C2orf49: variants seen among roughly 807,000 people sequenced by gnomAD.
C2orf49 encodes the protein tRNA-splicing ligase complex subunit ASW.
A neutral mutation model predicts 20.6 loss-of-function variants in C2orf49; 11 were observed. The ratio of observed to expected loss-of-function variants is 0.53; its 90% CI spans 0.34 to 0.88. The LOEUF (loss-of-function observed/expected upper bound fraction) is 0.88, where lower values mean the gene tolerates loss of function less well. Among genes scored for constraint, C2orf49 ranks in the 40% least tolerant of loss-of-function variants. The pLI, the probability that C2orf49 is intolerant of heterozygous loss-of-function variation, is 0.02. For synonymous variants in C2orf49, 134 were observed against 108.5 expected (o/e 1.24, Z -1.46); for missense variants, 289 against 274.2 (o/e 1.05, Z -0.38).
the C2orf49 span, chr2:105,361,349 C>T: frequency 1.2e-6 from 2 of 1,614,148 alleles, no homozygotes; most frequent in East Asian, 4.5e-5. Flanking sequence ...CACGCCCCAC[C>T]AGTGAGAGGG....
chr2:105,374,988 T>A, the C2orf49 span, among the ~76,000 whole-genome samples: 2 of 152,150 alleles, frequency 1.3e-5, no homozygotes, highest in Non-Finnish European at 2.9e-5. Context: ...GCCCACGATG[T>A]CTCTGTTACT....
the C2orf49 span, chr2:105,363,235 T>A: frequency 1.3e-6 from 2 of 1,588,020 alleles, no homozygotes; most frequent in Non-Finnish European, 1.7e-6. Flanking sequence ...ATGCTAGGCC[T>A]TGTTCAAGCT....
In C2orf49 at chr2:105,342,805, G is replaced by A. The variant is rs11895944; in HGVS notation, c.267-43G>A. On this transcript the variant is annotated intron_variant, in intron 2 of 3. Coordinates refer to ENST00000258457, the MANE Select transcript of C2orf49 (RefSeq NM_024093.3). ...TTGAATCCCAGTGAACTGGTTTGCC[G>A]TTCCAGATGGTATTTTTCAAGAGTG... 5.9e-4 allele frequency: 918 copies of A among 1,560,706 alleles called. 8 individuals carry two copies. The African/African-American group carries it at 9.8e-3, about 17-fold the overall frequency.
At position 105,345,382 on chromosome 2, in the gene C2orf49, C is replaced by A; in HGVS notation, c.*11C>A. On this transcript the variant is annotated 3_prime_UTR_variant, in exon 4 of 4. Transcript: ENST00000258457. ...GTTACTTGGCCCTGAAGAAAAGTTT[C>A]CAAAAATGTAAATATACTGTAACTG... The A allele has an allele frequency of 1.2e-6, 2 of 1,605,114 alleles. No homozygotes were observed. Among genetic ancestry groups the A allele is most frequent in the Non-Finnish European group, 1.7e-6 (2 of 1,173,854 alleles).
intron 1 of C2orf49, 73 bp from the exon 2 acceptor site, chr2:105,339,510 A>G (rs924003093): frequency 2.2e-6 from 3 of 1,383,080 alleles, no homozygotes; most frequent in African/African-American, 1.5e-5. Flanking sequence ...ATGTTTTACC[A>G]TGTTAGGTAA....
At chr2:105,356,756 A>T in the C2orf49 span, among the ~76,000 whole-genome samples, 1 of 152,164 alleles carries the variant, frequency 6.6e-6, no homozygotes, top group Non-Finnish European at 1.5e-5. Flanking sequence ...AGTCTTAATT[A>T]TATAGCTATA....
the C2orf49 span, chr2:105,378,028 G>A: frequency 2.1e-6 from 1 of 469,362 alleles, no homozygotes; most frequent in Admixed American, 2.4e-5. Flanking sequence ...AATCTCCAAG[G>A]TCAACAGGAA....
the C2orf49 span, chr2:105,376,542 G>A: frequency 6.6e-6 from 1 of 152,192 alleles, no homozygotes; most frequent in Non-Finnish European, 1.5e-5. Context: ...TTTTATTCAT[G>A]TTATCACTGT....
chr2:105,361,460 G>T, the C2orf49 span: 1 of 1,599,202 alleles, frequency 6.3e-7, no homozygotes, highest in South Asian at 1.1e-5. Flanking sequence ...AAATAATACC[G>T]GATGAAGAAA....
At chr2:105,366,661 A>G in the C2orf49 span, among the ~76,000 whole-genome samples, 1 of 152,238 alleles carries the variant, frequency 6.6e-6, no homozygotes, top group Non-Finnish European at 1.5e-5. Context: ...ATGGCTTCCT[A>G]CAGATATGCA....
rs939255909 is a variant in C2orf49 at position 105,345,925 on chromosome 2, T to C, written c.*554T>C. 2 of 152,344 alleles carry C rather than the reference T, an allele frequency of 1.3e-5. No individual in the cohort carries two copies. Among genetic ancestry groups the C allele is most frequent in the African/African-American group, 4.8e-5 (2 of 41,252 alleles). The allele number at this position is 152,344 out of a possible 1,614,324, so 9.4% of individuals were successfully genotyped here. A position where few individuals can be genotyped will look rare whatever the true frequency, so the allele number is the denominator to read the frequency against. On this transcript the variant is annotated 3_prime_UTR_variant, in exon 4 of 4. Transcript: ENST00000258457. ...TTGCGGGGAGCCAAGATCGCACCATTGCACTCCAGCCTGGGCAACAAGAGC... is the reference window on the plus strand; with the variant it reads ...TTGCGGGGAGCCAAGATCGCACCATCGCACTCCAGCCTGGGCAACAAGAGC...
intron 2 of C2orf49, among the ~76,000 whole-genome samples, chr2:105,342,477 A>G (rs1440084099): frequency 6.6e-6 from 1 of 152,104 alleles, no homozygotes. Flanking sequence ...ATAGTTTATC[A>G]TCCTTTTAAA....
At chr2:105,354,559 G>A in the C2orf49 span, among the ~76,000 whole-genome samples, 13,483 of 151,990 alleles carry the variant, frequency 0.089, 750 homozygotes, top group Non-Finnish European at 0.13. Flanking sequence ...CCAGCTATTC[G>A]GGAGGCTGAA....
chr2:105,377,784 G>A, the C2orf49 span: 25 of 315,626 alleles, frequency 7.9e-5, no homozygotes, highest in Middle Eastern at 1.1e-3. Context: ...TGACCCAAGA[G>A]TCACTGTCTG....
chr2:105,345,601 C>G lies in C2orf49; in HGVS notation c.*230C>G, dbSNP rs946663519. On this transcript the variant is annotated 3_prime_UTR_variant, in exon 4 of 4. Coordinates refer to ENST00000258457, the MANE Select transcript of C2orf49 (RefSeq NM_024093.3). ...ATTAGGAAAGAATATCTTTTTAAAC[C>G]AATGGCTTAGTATATGTCATTTATA... 1.3e-5 allele frequency: 7 copies of G among 551,532 alleles called. No homozygotes were observed. Among genetic ancestry groups the G allele is most frequent in the African/African-American group, 1.2e-4 (6 of 52,126 alleles). The allele number at this position is 551,532 out of a possible 1,614,324, so 34.2% of individuals were successfully genotyped here.
chr2:105,380,367 TTCTA>T, the C2orf49 span, among the ~76,000 whole-genome samples: 2 of 152,312 alleles, frequency 1.3e-5, no homozygotes, highest in South Asian at 2.1e-4. Context: ...TTTTCTTTTC[TTCTA>T]TCTATCTGTT....
At chr2:105,367,592 A>G in the C2orf49 span, 1 of 1,614,060 alleles carries the variant, frequency 6.2e-7, no homozygotes, top group South Asian at 1.1e-5. Flanking sequence ...AACGCACTGC[A>G]TGGCATGTTG....
chr2:105,356,881 G>A, the C2orf49 span, among the ~76,000 whole-genome samples: 153 of 152,234 alleles, frequency 1.0e-3, no homozygotes, highest in African/African-American at 3.5e-3. Context: ...TGAGCTTCTT[G>A]AATATGTAGA....
chr2:105,367,208 C>G, the C2orf49 span, among the ~76,000 whole-genome samples: 1 of 152,218 alleles, frequency 6.6e-6, no homozygotes, highest in Non-Finnish European at 1.5e-5. Flanking sequence ...CTCTCCCTCT[C>G]AAGTTTGCAG....
Sources: allele counts gnomAD v4.1 joint callset (sites outside exome capture counted in the v4.1 genomes callset), GRCh38; gene constraint gnomAD v4.1.1; transcripts MANE v1.5; gene names NCBI Gene and HGNC (gene_info 2026-07-23, HGNC 2026-07-21).